LILRB3: variants seen among roughly 807,000 people sequenced by gnomAD.
The protein encoded by LILRB3 is leukocyte immunoglobulin like receptor B3.
LILRB3 carries 32 observed loss-of-function variants against 68.2 expected under a neutral mutation model. The ratio of observed to expected loss-of-function variants is 0.47; its 90% CI spans 0.35 to 0.63. The LOEUF is 0.63. Ranked by LOEUF, LILRB3 falls within the 30% of genes least tolerant of loss-of-function variation. LILRB3 has a pLI of 0.00. For synonymous variants in LILRB3, 185 were observed against 323.1 expected, an observed-to-expected ratio of 0.57 and a Z score of 4.58; for missense variants, 502 against 791.3, an observed-to-expected ratio of 0.63 and a Z score of 4.39.
exon 9 of LILRB3, chr19:54,218,838 T>C: frequency 6.2e-7 from 1 of 1,613,898 alleles, no homozygotes; most frequent in Non-Finnish European, 8.5e-7. Context: ...CTTTCTCTGG[T>C]CTGGGTGAAG....
rs759256193 is a variant in LILRB3 at position 54,219,933 on chromosome 19, G to T, written c.1309+222C>A. On this transcript the variant is annotated intron_variant, in intron 7 of 12. Transcript: ENST00000445347. ...CCTCAGGACCTCCTGGGTCAGGACA[G>T]GGAGGTGAAGGCTGGGGCTGTCTTG... 7 of 1,452,554 alleles carry T rather than the reference G, an allele frequency of 4.8e-6. No homozygotes were observed. The South Asian group carries it at 8.8e-5, about 18-fold the overall frequency. The allele number at this position is 1,452,554 out of a possible 1,614,324, so 90.0% of individuals were successfully genotyped here.
Position 54,218,641 on chromosome 19 carries a change from T to C in LILRB3, c.1540+4A>G, listed in dbSNP as rs763634816. 2.5e-6 allele frequency: 4 copies of C among 1,614,144 alleles called. No homozygotes were observed. The highest frequency in any genetic ancestry group is 3.4e-6 in the Non-Finnish European group (4 of 1,180,026). On this transcript the variant is annotated splice_donor_region_variant and intron_variant, in intron 10 of 12. Transcript: ENST00000445347. Reference sequence around the variant, plus strand: ...CCCCCATTTGTCCCCTCTCTTCCTCTTACAGAGGTTTTCTTCCTGGACGTC... The same window carrying C: ...CCCCCATTTGTCCCCTCTCTTCCTCCTACAGAGGTTTTCTTCCTGGACGTC...
chr19:54,216,742 G>A, exon 13 of LILRB3: 1 of 1,150,268 alleles, frequency 8.7e-7, no homozygotes, highest in South Asian at 2.5e-5. Context: ...GGAGTGCAGT[G>A]GCACAGTCAT....
exon 6 of LILRB3, chr19:54,220,699 GGGCTGCCCCTTCTTT>G (rs1377801415): frequency 6.6e-7 from 1 of 1,524,404 alleles, no homozygotes; most frequent in Non-Finnish European, 8.8e-7. Flanking sequence ...AGTGGGGGAT[GGGCTGCCCCTTCTTT>G]GGTCAGAAGG....
exon 8 of LILRB3, chr19:54,219,171 G>A (rs1568953096): frequency 6.2e-7 from 1 of 1,608,312 alleles, no homozygotes; most frequent in East Asian, 2.2e-5. Context: ...AGGAGGAGGA[G>A]GAAGAGGAGG....
exon 1 of LILRB3, chr19:54,222,951 A>G: frequency 6.2e-7 from 1 of 1,612,630 alleles, no homozygotes; most frequent in Non-Finnish European, 8.5e-7. Context: ...ACCAAGGCAG[A>G]GCAGGGCTGT....
chr19:54,217,195 C>T (rs766322867), exon 13 of LILRB3: 14 of 1,611,874 alleles, frequency 8.7e-6, no homozygotes, highest in Middle Eastern at 1.7e-4. Context: ...TCAAGCTGTG[C>T]AGCTGGGCGT....
At position 54,218,831 on chromosome 19, in the gene LILRB3, T is replaced by A. The variant is rs202170300; in HGVS notation, c.1434A>T (p.Arg478Ser). Residue 478 changes from arginine (R) to serine (S), a missense_variant, in exon 9 of 13, where the codon AGA (arginine) becomes AGT (serine). Physicochemically the swap from Arg to Ser is moderately radical, Grantham distance 110. Transcript: ENST00000445347. Reference sequence around the variant, plus strand: ...CTGCAGGACGCTGGAAATCAGTCTTTCTCTGGTCTGGGTGAAGATGGACAG... The same window carrying A: ...CTGCAGGACGCTGGAAATCAGTCTTACTCTGGTCTGGGTGAAGATGGACAG... 8.8e-5 allele frequency: 142 copies of A among 1,613,788 alleles called. 1 individual carries two copies. The highest frequency in any genetic ancestry group is 2.3e-4 in the Admixed American group (14 of 59,986).
intron 11 of LILRB3, among the ~76,000 whole-genome samples, chr19:54,217,965 G>A (rs896530259): frequency 6.7e-6 from 1 of 149,070 alleles, no homozygotes; most frequent in Non-Finnish European, 1.5e-5. Context: ...CTCAGGAGGC[G>A]GGGGCGGCTT....
At chr19:54,217,774 A>C (rs386881) in intron 11 of LILRB3, 11 of 514,936 alleles carry the variant, frequency 2.1e-5, no homozygotes, top group African/African-American at 5.9e-5. Context: ...TCAGAGGATC[A>C]TGTGCCCCAC....
exon 13 of LILRB3, chr19:54,217,027 A>G (rs3745410): frequency 0.068 from 109,436 of 1,612,620 alleles, 5,448 homozygotes; most frequent in East Asian, 0.29. Context: ...CACTGGGGGC[A>G]GCTCCCGTGC....
exon 3 of LILRB3, chr19:54,222,349 C>T (rs1162432745): frequency 8.1e-6 from 13 of 1,599,900 alleles, no homozygotes; most frequent in Non-Finnish European, 1.1e-5. Context: ...GCAGCGGTAT[C>T]TCCCTGCATG....
chr19:54,219,229 C>T (rs1372133964), exon 8 of LILRB3: 3 of 1,583,528 alleles, frequency 1.9e-6, no homozygotes, highest in Admixed American at 1.9e-5. Flanking sequence ...TCAAAACCTC[C>T]AGGTATCTTC....
chr19:54,217,848 C>T, intron 11 of LILRB3: 1 of 534,356 alleles, frequency 1.9e-6, no homozygotes, highest in South Asian at 1.9e-5. Flanking sequence ...AGACTGGCCC[C>T]ACTGCCCCAC....
chr19:54,222,691 G>T (rs1219173961), intron 2 of LILRB3, 56 bp downstream of exon 2: 1 of 1,612,488 alleles, frequency 6.2e-7, no homozygotes, highest in Non-Finnish European at 8.5e-7. Flanking sequence ...CTGCCCATGG[G>T]TGGCCCCCTG....
chr19:54,217,239 C>A (rs746442291), exon 13 of LILRB3: 1 of 1,609,160 alleles, frequency 6.2e-7, no homozygotes, highest in Non-Finnish European at 8.5e-7. Flanking sequence ...GATGCAGCAG[C>A]CTGCAGCGGG....
chr19:54,222,411 T>G (rs1392578105), exon 3 of LILRB3: 1 of 1,608,342 alleles, frequency 6.2e-7, no homozygotes, highest in African/African-American at 1.4e-5. Context: ...TGGGTTCCAG[T>G]GGGTTATTTC....
chr19:54,216,689 GT>G (rs72464903), exon 13 of LILRB3: 16,485 of 782,760 alleles, frequency 0.021, 188 homozygotes, highest in African/African-American at 0.1. Flanking sequence ...AACATTCACT[GT>G]TTTTTTTTTT....
rs183638655 is a variant in LILRB3 at position 54,219,496 on chromosome 19, C to T, written c.1310-251G>A. The T allele has an allele frequency of 7.8e-3, 12,108 of 1,550,294 alleles. 74 individuals are homozygous for T. The highest frequency in any genetic ancestry group is 0.017 in the South Asian group (1,417 of 84,048). On this transcript the variant is annotated intron_variant, in intron 7 of 12. Coordinates refer to ENST00000445347, the Ensembl canonical transcript of LILRB3. ...GAGCCCGGGAGTCTGACCTGCAGCC[C>T]TTGTTCCTGCACCAGAGCCGAGACC...
Sources: gnomAD v4.1 joint callset for allele counts (sites outside exome capture counted in the v4.1 genomes callset) on GRCh38, gnomAD v4.1.1 for gene constraint, MANE v1.5 for transcripts, NCBI Gene and HGNC (gene_info 2026-07-23, HGNC 2026-07-21) for gene names.